Variants in ITGB6 observed in about 807,000 individuals in gnomAD.
ITGB6 encodes integrin subunit beta 6.
In ITGB6, 80 loss-of-function variants were observed where a neutral mutation model predicts 84.5. That is an observed-to-expected ratio of 0.95 (90% CI 0.79 to 1.14). The LOEUF (loss-of-function observed/expected upper bound fraction) is 1.14. Ranked by LOEUF, ITGB6 falls within the 50% of genes most tolerant of loss-of-function variation. ITGB6 has a pLI of 0.00. For missense variants in ITGB6, 1,006 were observed against 968.0 expected (o/e 1.04, Z -0.52); for synonymous variants, 383 against 354.9 (o/e 1.08, Z -0.89).
chr2:160,117,880 C>T (rs1353882063), intron 12 of ITGB6, among the ~76,000 whole-genome samples: 7 of 152,130 alleles, frequency 4.6e-5, no homozygotes, highest in East Asian at 1.9e-4. Flanking sequence ...GAGAATACTA[C>T]AAACACCTCT....
intron 4 of ITGB6, among the ~76,000 whole-genome samples, chr2:160,190,171 A>C (rs1372084004): frequency 7.8e-6 from 1 of 128,540 alleles, no homozygotes; most frequent in African/African-American, 3.0e-5. Context: ...ACATGGACAC[A>C]GGAAGGGGAA....
intron 14 of ITGB6, among the ~76,000 whole-genome samples, chr2:160,104,018 T>C (rs1230268152): frequency 6.6e-6 from 1 of 152,226 alleles, no homozygotes; most frequent in African/African-American, 2.4e-5. Context: ...ATTTAGTAGA[T>C]ATTTAGTTGA....
At chr2:160,196,961 A>G (rs72994799) in intron 2 of ITGB6, among the ~76,000 whole-genome samples, 1,655 of 152,104 alleles carry the variant, frequency 0.011, 30 homozygotes, top group African/African-American at 0.038. Context: ...GGATTGCAAC[A>G]TCTCCCCCAT....
At chr2:160,148,868 A>G (rs998857194) in intron 7 of ITGB6, among the ~76,000 whole-genome samples, 2 of 152,218 alleles carry the variant, frequency 1.3e-5, no homozygotes, top group African/African-American at 4.8e-5. Context: ...TCTGAGATCG[A>G]TCTGCGAGAC....
At position 160,200,089 on chromosome 2, in the gene ITGB6, C is replaced by A. The variant is rs200712485; in HGVS notation, c.-26G>T. The A allele has an allele frequency of 1.2e-6, 2 of 1,604,914 alleles. No homozygotes were observed. Among genetic ancestry groups the A allele is most frequent in the Admixed American group, 3.4e-5 (2 of 59,320 alleles). On this transcript the variant is annotated 5_prime_UTR_variant, in exon 1 of 15. Coordinates refer to ENST00000283249, the MANE Select transcript of ITGB6 (RefSeq NM_000888.5). The stretch of plus-strand genomic sequence containing the variant: ...TCGTTTCAGTTCTTGCTGTGCAGAC[C>A]GATTAAAAAATGAATTACCTTCAGC...
At chr2:160,117,294 C>T (rs973635474) in intron 12 of ITGB6, among the ~76,000 whole-genome samples, 3 of 151,974 alleles carry the variant, frequency 2.0e-5, no homozygotes, top group Non-Finnish European at 4.4e-5. Flanking sequence ...TGTAAAAGAA[C>T]AGAAATTATA....
At chr2:160,164,479 G>A (rs551809596) in intron 7 of ITGB6, among the ~76,000 whole-genome samples, 1 of 152,180 alleles carries the variant, frequency 6.6e-6, no homozygotes, top group African/African-American at 2.4e-5. Context: ...TTCACATGAG[G>A]CCAGGAGTTT....
At chr2:160,112,962 C>A (rs942951118) in intron 12 of ITGB6, among the ~76,000 whole-genome samples, 1 of 152,080 alleles carries the variant, frequency 6.6e-6, no homozygotes, top group Admixed American at 6.6e-5. Flanking sequence ...TTTAGTAGTC[C>A]AGGATGTATG....
At chr2:160,125,630 A>G (rs1683209473) in intron 11 of ITGB6, among the ~76,000 whole-genome samples, 1 of 152,190 alleles carries the variant, frequency 6.6e-6, no homozygotes, top group African/African-American at 2.4e-5. Flanking sequence ...AAATGTCACC[A>G]TTTTGGGCAT....
chr2:160,152,484 C>A (rs12692582), intron 7 of ITGB6, among the ~76,000 whole-genome samples: 31,887 of 152,030 alleles, frequency 0.21, 4,298 homozygotes, highest in Middle Eastern at 0.37. Flanking sequence ...AACCCACAGC[C>A]AATATCATAC....
At chr2:160,193,919 G>T (rs1359242240) in intron 4 of ITGB6, among the ~76,000 whole-genome samples, 1 of 152,240 alleles carries the variant, frequency 6.6e-6, no homozygotes, top group African/African-American at 2.4e-5. Flanking sequence ...CACTTTGGGA[G>T]GCCAAGGCGG....
At chr2:160,109,518 G>C (rs999351241) in intron 13 of ITGB6, among the ~76,000 whole-genome samples, 1 of 152,224 alleles carries the variant, frequency 6.6e-6, no homozygotes, top group Non-Finnish European at 1.5e-5. Flanking sequence ...AAGAAGAAAT[G>C]GGTGCGGTCT....
chr2:160,166,528 G>T (rs562172702), intron 7 of ITGB6, among the ~76,000 whole-genome samples: 60 of 152,230 alleles, frequency 3.9e-4, no homozygotes, highest in African/African-American at 1.4e-3. Flanking sequence ...GACAGTTGAG[G>T]TTTAGTGGCC....
At chr2:160,140,358 C>T (rs1202671351) in intron 8 of ITGB6, among the ~76,000 whole-genome samples, 4 of 152,236 alleles carry the variant, frequency 2.6e-5, no homozygotes, top group East Asian at 3.9e-4. Flanking sequence ...CTGTAAGTTG[C>T]GTGAAGTATT....
intron 10 of ITGB6, among the ~76,000 whole-genome samples, chr2:160,132,720 A>G (rs1284189417): frequency 6.6e-6 from 1 of 152,126 alleles, no homozygotes; most frequent in Non-Finnish European, 1.5e-5. Flanking sequence ...TTACACTTAT[A>G]TATGTGTGCA....
At chr2:160,142,112 T>C (rs1448036001) in intron 7 of ITGB6, 41 bp from the exon 8 acceptor site, 7 of 1,307,494 alleles carry the variant, frequency 5.4e-6, no homozygotes, top group African/African-American at 3.0e-5. Flanking sequence ...TGTTTCCTCA[T>C]GGTAATTGAG....
At chr2:160,195,913 C>G (rs561111388) in intron 3 of ITGB6, among the ~76,000 whole-genome samples, 2 of 152,134 alleles carry the variant, frequency 1.3e-5, no homozygotes, top group East Asian at 3.9e-4. Context: ...AAAGGAGAAC[C>G]AAATAAAAGA....
At chr2:160,114,879 G>A (rs1028130030) in intron 12 of ITGB6, among the ~76,000 whole-genome samples, 10 of 152,214 alleles carry the variant, frequency 6.6e-5, no homozygotes, top group Non-Finnish European at 1.0e-4. Flanking sequence ...AGGGTCCTAC[G>A]CCCACGGAGT....
intron 7 of ITGB6, among the ~76,000 whole-genome samples, chr2:160,153,767 A>G (rs183794421): frequency 3.3e-5 from 5 of 152,284 alleles, no homozygotes; most frequent in Non-Finnish European, 7.4e-5. Context: ...CAACAAGTGG[A>G]CAAAGGATAT....
Sources: allele counts gnomAD v4.1 joint callset (sites outside exome capture counted in the v4.1 genomes callset), GRCh38; gene constraint gnomAD v4.1.1; transcripts MANE v1.5; gene names NCBI Gene and HGNC (gene_info 2026-07-23, HGNC 2026-07-21).